The following LINGO1 variants were observed in gnomAD, a reference collection of about 807,000 sequenced individuals.
LINGO1 encodes leucine-rich repeat and immunoglobulin-like domain-containing nogo receptor-interacting protein 1.
LINGO1 carries 11 observed loss-of-function variants against 37.3 expected under a neutral mutation model. That is an observed-to-expected ratio of 0.29 (90% CI 0.19 to 0.49). The LOEUF (loss-of-function observed/expected upper bound fraction) is 0.49, where lower values mean the gene tolerates loss of function less well. Among genes scored for constraint, LINGO1 ranks in the 20% least tolerant of loss-of-function variants. The pLI is 0.99. For missense variants in LINGO1, 585 were observed against 878.2 expected, an observed-to-expected ratio of 0.67 and a Z score of 4.22; for synonymous variants, 387 against 403.0, an observed-to-expected ratio of 0.96 and a Z score of 0.48.
intron 1 of LINGO1, among the ~76,000 whole-genome samples, chr15:77,625,815 G>A (rs1486907973): frequency 6.6e-6 from 1 of 152,172 alleles, no homozygotes. Context: ...TGGGCAAGTG[G>A]CTTTACCTCT....
chr15:77,710,456 A>C (rs935462471), intron 2 of LINGO1, among the ~76,000 whole-genome samples: 2 of 152,120 alleles, frequency 1.3e-5, no homozygotes, highest in Non-Finnish European at 2.9e-5. Context: ...GAACATAGAG[A>C]CATCAGATTA....
intron 1 of LINGO1, among the ~76,000 whole-genome samples, chr15:77,770,977 A>C (rs1474581383): frequency 6.6e-6 from 1 of 152,194 alleles, no homozygotes; most frequent in African/African-American, 2.4e-5. Flanking sequence ...CGGGGCTCAA[A>C]TCACTCAGAA....
At chr15:77,664,501 C>T (rs1047448053) in intron 3 of LINGO1, among the ~76,000 whole-genome samples, 2 of 152,088 alleles carry the variant, frequency 1.3e-5, no homozygotes, top group African/African-American at 2.4e-5. Flanking sequence ...GTTCCCCAGG[C>T]GCTTCCCTGG....
At chr15:77,703,104 G>T (rs1344990262) in intron 2 of LINGO1, among the ~76,000 whole-genome samples, 2 of 152,152 alleles carry the variant, frequency 1.3e-5, no homozygotes, top group African/African-American at 4.8e-5. Context: ...AAACTGCTCT[G>T]TCCATCTCGC....
intron 1 of LINGO1, among the ~76,000 whole-genome samples, chr15:77,776,700 A>C (rs1461652725): frequency 2.0e-5 from 3 of 152,216 alleles, no homozygotes; most frequent in African/African-American, 7.2e-5. Context: ...TCCCACACCA[A>C]GCTTGAGGCA....
At chr15:77,677,427 C>T (rs968040633) in intron 2 of LINGO1, among the ~76,000 whole-genome samples, 2 of 152,088 alleles carry the variant, frequency 1.3e-5, no homozygotes, top group African/African-American at 2.4e-5. Context: ...TTCAAGGCCC[C>T]GTCTAAGCCC....
chr15:77,723,814 G>T (rs2076074794), intron 2 of LINGO1, among the ~76,000 whole-genome samples: 1 of 152,232 alleles, frequency 6.6e-6, no homozygotes. Flanking sequence ...TCAGGGGAAA[G>T]TGGCACAGGT....
intron 1 of LINGO1, among the ~76,000 whole-genome samples, chr15:77,782,686 C>A (rs2076732243): frequency 6.6e-6 from 1 of 151,778 alleles, no homozygotes; most frequent in Non-Finnish European, 1.5e-5. Context: ...CCCATAGCCA[C>A]TCTCCAACCC....
In LINGO1 at chr15:77,716,137, G is replaced by T. The variant is rs971157138; in HGVS notation, c.-195+18855C>A. Among the ~76,000 whole-genome samples the T allele has an allele frequency of 2.5e-4, 38 of 151,156 alleles. 2 individuals are homozygous for T. The highest frequency in any genetic ancestry group is 1.7e-3 in the Admixed American group (25 of 15,110). ...GAAGGGGGAAGTTCTATAAACTTCAGTGACTTCTCCAAAGTCTCACAGCAA... is the reference window on the plus strand; with the variant it reads ...GAAGGGGGAAGTTCTATAAACTTCATTGACTTCTCCAAAGTCTCACAGCAA... On this transcript the variant is annotated intron_variant, in intron 2 of 3. Transcript: ENST00000561686.
chr15:77,699,575 T>C (rs564932811), upstream of LINGO1, among the ~76,000 whole-genome samples: 1,673 of 129,810 alleles, frequency 0.013, 41 homozygotes, highest in African/African-American at 0.046. Flanking sequence ...GTAAAGCACA[T>C]ACTAACCATC....
intron 1 of LINGO1, among the ~76,000 whole-genome samples, chr15:77,750,905 C>G (rs558103838): frequency 6.6e-6 from 1 of 152,328 alleles, no homozygotes; most frequent in East Asian, 1.9e-4. Flanking sequence ...CCTGTGAAGC[C>G]TACACTGAAG....
At chr15:77,621,318 G>A (rs748065018) in intron 1 of LINGO1, among the ~76,000 whole-genome samples, 3 of 152,238 alleles carry the variant, frequency 2.0e-5, no homozygotes, top group Non-Finnish European at 4.4e-5. Context: ...GCCTCCCAAA[G>A]TGCTGGGATC....
intron 1 of LINGO1, among the ~76,000 whole-genome samples, chr15:77,802,754 G>A (rs1382937784): frequency 6.6e-6 from 1 of 152,036 alleles, no homozygotes; most frequent in African/African-American, 2.4e-5. Context: ...CAACTTCCTG[G>A]AGGTCTCCTG....
intron 1 of LINGO1, among the ~76,000 whole-genome samples, chr15:77,805,449 C>T (rs1248660652): frequency 6.6e-6 from 1 of 152,332 alleles, no homozygotes; most frequent in East Asian, 1.9e-4. Flanking sequence ...GAGTCTGATG[C>T]TTTGTGGGAG....
intron 1 of LINGO1, among the ~76,000 whole-genome samples, chr15:77,745,201 C>T (rs1261160595): frequency 5.3e-5 from 8 of 150,958 alleles, no homozygotes; most frequent in East Asian, 1.9e-4. Context: ...GCGAGGCAGG[C>T]GGATCACGAG....
At chr15:77,738,622 GCCT>G (rs2076225843) in intron 1 of LINGO1, among the ~76,000 whole-genome samples, 1 of 152,162 alleles carries the variant, frequency 6.6e-6, no homozygotes, top group African/African-American at 2.4e-5. Context: ...TTTCCTGTCT[GCCT>G]CCTCATCACA....
chr15:77,710,589 C>A (rs1228918336), intron 2 of LINGO1, among the ~76,000 whole-genome samples: 7 of 152,234 alleles, frequency 4.6e-5, no homozygotes. Context: ...TTCTGACATG[C>A]CTTGGATTTC....
At chr15:77,699,362 TA>T (rs2075738840), upstream of LINGO1, among the ~76,000 whole-genome samples, 1 of 26,902 alleles carries the variant, frequency 3.7e-5, no homozygotes, top group Admixed American at 3.6e-4. Flanking sequence ...AAGTGCATAC[TA>T]ACCATCATCA....
chr15:77,677,989 C>A (rs2075356271), intron 2 of LINGO1, among the ~76,000 whole-genome samples: 1 of 152,232 alleles, frequency 6.6e-6, no homozygotes, highest in South Asian at 2.1e-4. Context: ...ACCTCCCCTC[C>A]AGACCACACA....
Sources: gnomAD v4.1 joint callset for allele counts (sites outside exome capture counted in the v4.1 genomes callset) on GRCh38, gnomAD v4.1.1 for gene constraint, MANE v1.5 for transcripts, NCBI Gene and HGNC (gene_info 2026-07-23, HGNC 2026-07-21) for gene names.